The following HSPA12A variants were observed in gnomAD, a reference collection of about 807,000 sequenced individuals.
The protein encoded by HSPA12A is heat shock 70 kDa protein 12A.
A neutral mutation model predicts 69.2 loss-of-function variants in HSPA12A; 28 were observed. That is an observed-to-expected ratio of 0.40 (90% confidence interval 0.30 to 0.55). The LOEUF is 0.55. HSPA12A is among the 20% of genes least tolerant of loss of function. HSPA12A has a pLI of 0.38. For missense variants in HSPA12A, 686 were observed against 900.7 expected (o/e 0.76, Z 3.05); for synonymous variants, 345 against 370.5 (o/e 0.93, Z 0.79).
At chr10:116,704,560 T>C (rs1268724467) in intron 3 of HSPA12A, among the ~76,000 whole-genome samples, 1 of 151,886 alleles carries the variant, frequency 6.6e-6, no homozygotes, top group Admixed American at 6.5e-5. Context: ...TGTATACATA[T>C]GTAACAAACC....
intron 2 of HSPA12A, among the ~76,000 whole-genome samples, chr10:116,768,397 G>T (rs1195265341): frequency 1.3e-5 from 2 of 152,192 alleles, no homozygotes; most frequent in African/African-American, 2.4e-5. Flanking sequence ...TCTCTTTGGG[G>T]TGATGAAAAT....
At chr10:116,690,577 G>A (rs1849707177) in intron 6 of HSPA12A, among the ~76,000 whole-genome samples, 1 of 152,184 alleles carries the variant, frequency 6.6e-6, no homozygotes, top group South Asian at 2.1e-4. Context: ...ACTTCCGAAA[G>A]CAAATTCCCC....
intron 1 of HSPA12A, chr10:116,849,468 C>A (rs1318202121): frequency 7.1e-7 from 1 of 1,417,084 alleles, no homozygotes; most frequent in South Asian, 1.6e-5. Flanking sequence ...GGAAGCCACG[C>A]GAGATCTGGG....
At chr10:116,682,455 T>TTG (rs1227112075) in intron 7 of HSPA12A, among the ~76,000 whole-genome samples, 6 of 127,600 alleles carry the variant, frequency 4.7e-5, no homozygotes, top group African/African-American at 1.8e-4. Flanking sequence ...GTAAATAGAC[T>TTG]GGGGGGGGGG....
At chr10:116,748,642 A>G (rs181077290) in intron 2 of HSPA12A, among the ~76,000 whole-genome samples, 1 of 152,326 alleles carries the variant, frequency 6.6e-6, no homozygotes, top group East Asian at 1.9e-4. Flanking sequence ...CTTCACAATC[A>G]TGGCAGACAG....
chr10:116,718,078 G>A (rs532970276), intron 1 of HSPA12A, among the ~76,000 whole-genome samples: 1 of 152,346 alleles, frequency 6.6e-6, no homozygotes, highest in Admixed American at 6.5e-5. Context: ...TCACTGTCAA[G>A]ACTCTCTTCA....
intron 2 of HSPA12A, among the ~76,000 whole-genome samples, chr10:116,798,201 C>A (rs1844875433): frequency 6.6e-6 from 1 of 151,554 alleles, no homozygotes. Flanking sequence ...GGGCAGGGAG[C>A]AGGGGTGGCA....
rs1434741651 is a variant in HSPA12A, at chr10:116,671,197, T to G, written c.*3584A>C. The G allele has an allele frequency of 6.6e-6, 1 of 152,160 alleles. No homozygotes were observed. The highest frequency in any genetic ancestry group is 1.5e-5 in the Non-Finnish European group (1 of 68,022). The allele number at this position is 152,160 out of a possible 1,614,324, so 9.4% of individuals were successfully genotyped here. A position where few individuals can be genotyped will look rare whatever the true frequency, so the allele number is the denominator to read the frequency against. ...GAAAAAAAATCTGGGCCACATGAGA[T>G]TCAGAGTTTTGCTTTATTAGGCGTC... is the stretch of plus-strand genomic sequence containing the variant. On this transcript the variant is annotated 3_prime_UTR_variant, in exon 12 of 12. Coordinates refer to ENST00000369209, the MANE Select transcript of HSPA12A (RefSeq NM_025015.3).
At chr10:116,826,225 T>C (rs1845502598) in intron 2 of HSPA12A, among the ~76,000 whole-genome samples, 1 of 152,160 alleles carries the variant, frequency 6.6e-6, no homozygotes, top group African/African-American at 2.4e-5. Context: ...AGCACCAAGT[T>C]CCTTGCCTTC....
intron 1 of HSPA12A, among the ~76,000 whole-genome samples, chr10:116,727,206 C>T (rs768199212): frequency 1.3e-5 from 2 of 152,088 alleles, no homozygotes; most frequent in Admixed American, 6.6e-5. Flanking sequence ...CACAGAATTC[C>T]GCAACTTGGG....
chr10:116,791,112 A>T (rs3095123), intron 2 of HSPA12A, among the ~76,000 whole-genome samples: 124,791 of 152,176 alleles, frequency 0.82, 53,179 homozygotes, highest in Non-Finnish European at 0.93. Context: ...CTGTCTGGCT[A>T]GTGCTGTGTC....
chr10:116,698,754 A>G lies in HSPA12A; in HGVS notation c.442-15T>C. On this transcript the variant is annotated splice_polypyrimidine_tract_variant and intron_variant, in intron 4 of 11. Transcript: ENST00000369209. ...ATGGTGAGGTCCTGGTAGGAGGAAG[A>G]GGAACAATAGTAAGAAGATGACACA... 1 of 1,587,668 alleles carries G rather than the reference A, an allele frequency of 6.3e-7. No homozygotes were observed. Among genetic ancestry groups the G allele is most frequent in the Non-Finnish European group, 8.6e-7 (1 of 1,156,264 alleles).
At chr10:116,694,706 A>G (rs1554880559) in intron 5 of HSPA12A, among the ~76,000 whole-genome samples, 1 of 151,846 alleles carries the variant, frequency 6.6e-6, no homozygotes, top group Non-Finnish European at 1.5e-5. Flanking sequence ...CTGCTCCTTC[A>G]CCTGCCTCGG....
At position 116,681,457 on chromosome 10, in the gene HSPA12A, G is replaced by A. The variant is rs139151480; in HGVS notation, c.923-201C>T. Reference sequence around the variant, plus strand: ...CCCAGGAGGATGGTTAGACATGGACGATGGAGAACCCAGGTGAGTGAATCT... The same window carrying A: ...CCCAGGAGGATGGTTAGACATGGACAATGGAGAACCCAGGTGAGTGAATCT... On this transcript the variant is annotated intron_variant, in intron 8 of 11. Transcript: ENST00000369209. Among the ~76,000 whole-genome samples, 214 of 152,334 alleles carry A rather than the reference G, an allele frequency of 1.4e-3. 1 individual carries two copies. Among genetic ancestry groups the A allele is most frequent in the African/African-American group, 5.0e-3 (208 of 41,578 alleles).
chr10:116,693,873 A>C (rs1554880428), intron 5 of HSPA12A, among the ~76,000 whole-genome samples: 1 of 152,232 alleles, frequency 6.6e-6, no homozygotes, highest in Non-Finnish European at 1.5e-5. Flanking sequence ...TCAGTAAACT[A>C]TTTTAAAACA....
upstream of HSPA12A, chr10:116,849,995 C>G (rs998673900): frequency 1.1e-5 from 7 of 645,918 alleles, no homozygotes; most frequent in Non-Finnish European, 2.0e-5. Flanking sequence ...CAGCGGCAGC[C>G]CAGGGGCTGG....
chr10:116,836,668 G>T (rs1230060759), intron 1 of HSPA12A, among the ~76,000 whole-genome samples: 1 of 152,038 alleles, frequency 6.6e-6, no homozygotes, highest in Non-Finnish European at 1.5e-5. Flanking sequence ...TGTGTTCCTG[G>T]AGTTACAAAT....
At chr10:116,725,129 G>C (rs1156538963) in intron 1 of HSPA12A, among the ~76,000 whole-genome samples, 1 of 152,200 alleles carries the variant, frequency 6.6e-6, no homozygotes, top group Non-Finnish European at 1.5e-5. Context: ...ACACAGTGCA[G>C]GGATCCCACC....
chr10:116,763,774 T>C (rs1411264085), intron 2 of HSPA12A, among the ~76,000 whole-genome samples: 2 of 152,224 alleles, frequency 1.3e-5, no homozygotes, highest in Admixed American at 6.5e-5. Flanking sequence ...AAAGATCATC[T>C]GAGGTTTCTA....
Sources: gnomAD v4.1 joint callset for allele counts (sites outside exome capture counted in the v4.1 genomes callset) on GRCh38, gnomAD v4.1.1 for gene constraint, MANE v1.5 for transcripts, NCBI Gene and HGNC (gene_info 2026-07-23, HGNC 2026-07-21) for gene names.